Variants in GAS7 observed in about 807,000 individuals in gnomAD.
The protein encoded by GAS7 is growth arrest-specific protein 7.
GAS7 carries 28 observed loss-of-function variants against 71.1 expected under a neutral mutation model. The observed-to-expected ratio is 0.39, with a 90% CI of 0.29 to 0.54. GAS7 has a LOEUF of 0.54. Among genes scored for constraint, GAS7 ranks in the 20% least tolerant of loss-of-function variants. The pLI is 0.62. For missense variants in GAS7, 436 were observed against 627.8 expected (o/e 0.69, Z 3.27); for synonymous variants, 258 against 245.8 (o/e 1.05, Z -0.46).
At chr17:10,023,569 A>T (rs527415394) in intron 1 of GAS7, among the ~76,000 whole-genome samples, 1 of 152,360 alleles carries the variant, frequency 6.6e-6, no homozygotes, top group African/African-American at 2.4e-5. Context: ...CATTATGCTA[A>T]GTGAAAGGAG....
intron 1 of GAS7, among the ~76,000 whole-genome samples, chr17:10,030,855 A>G (rs1256961163): frequency 6.6e-6 from 1 of 152,120 alleles, no homozygotes; most frequent in African/African-American, 2.4e-5. Flanking sequence ...CTCACATCAG[A>G]CGCCCACCCC....
In GAS7 at chr17:10,189,104, T is replaced by G. The variant is rs528471335; in HGVS notation, c.183+9104A>C. On this transcript the variant is annotated intron_variant, in intron 1 of 13. Transcript: ENST00000432992. ...TATTTGCCTTTTACCTCCTTTTTTT[T>G]GGGAAGAGATTTCTAGTGGCAGAAT... Among the ~76,000 whole-genome samples, 20 of 152,288 alleles carry G rather than the reference T, an allele frequency of 1.3e-4. No individual in the cohort carries two copies. In the South Asian group the frequency reaches 2.9e-3, roughly 22 times the overall value.
intron 2 of GAS7, among the ~76,000 whole-genome samples, chr17:10,009,980 G>C (rs754331223): frequency 3.9e-5 from 6 of 151,954 alleles, no homozygotes; most frequent in Non-Finnish European, 8.8e-5. Context: ...TTAAGTCACT[G>C]CCACCCATGC....
At chr17:10,061,778 G>A (rs891314228) in intron 1 of GAS7, among the ~76,000 whole-genome samples, 1 of 152,056 alleles carries the variant, frequency 6.6e-6, no homozygotes, top group African/African-American at 2.4e-5. Flanking sequence ...TGTGCTGGGC[G>A]TTCCCACTCC....
chr17:10,153,429 T>C (rs1196818667), intron 1 of GAS7, among the ~76,000 whole-genome samples: 1 of 150,902 alleles, frequency 6.6e-6, no homozygotes, highest in African/African-American at 2.4e-5. Flanking sequence ...GGCAGGAGAA[T>C]TGCTTGTACC....
chr17:9,917,889 G>A lies in GAS7; in HGVS notation c.1317+112C>T, dbSNP rs572643880. On this transcript the variant is annotated intron_variant, in intron 13 of 13. Coordinates refer to ENST00000432992, the MANE Select transcript of GAS7 (RefSeq NM_201433.2). ...AGGCCAGAGCACCTGCCCACTGCCC[G>A]CCTTTAGGGCAGATTCACTTGCAGC... 505 of 723,468 alleles carry A rather than the reference G, an allele frequency of 7.0e-4. No homozygotes were observed. The highest frequency in any genetic ancestry group is 1.1e-3 in the Non-Finnish European group (471 of 435,012). The allele number at this position is 723,468 out of a possible 1,614,324, so 44.8% of individuals were successfully genotyped here.
chr17:10,178,932 C>T (rs7503418), intron 1 of GAS7, among the ~76,000 whole-genome samples: 24,025 of 151,612 alleles, frequency 0.16, 2,016 homozygotes, highest in East Asian at 0.34. Context: ...TCCGATTATA[C>T]GGCCAGGACA....
At chr17:10,157,830 A>C (rs1201264599) in intron 1 of GAS7, among the ~76,000 whole-genome samples, 1 of 152,172 alleles carries the variant, frequency 6.6e-6, no homozygotes, top group Non-Finnish European at 1.5e-5. Context: ...TGTGAAACCC[A>C]GATGGCCAGT....
intron 1 of GAS7, among the ~76,000 whole-genome samples, chr17:10,194,326 C>T (rs1040677538): frequency 3.3e-5 from 5 of 152,196 alleles, no homozygotes; most frequent in African/African-American, 1.2e-4. Flanking sequence ...CAACATTCCC[C>T]AGGTCCCTAA....
At chr17:9,947,618 C>T (rs1316520538) in intron 5 of GAS7, among the ~76,000 whole-genome samples, 1 of 151,972 alleles carries the variant, frequency 6.6e-6, no homozygotes, top group Admixed American at 6.6e-5. Flanking sequence ...GTGGCGCATG[C>T]GTGTAATCCC....
intron 1 of GAS7, chr17:10,059,877 CA>C (rs1334349889): frequency 2.3e-6 from 2 of 868,906 alleles, no homozygotes. Context: ...GGCAACCAAA[CA>C]AATGATATTC....
intron 1 of GAS7, among the ~76,000 whole-genome samples, chr17:10,028,883 A>G (rs2072538937): frequency 6.6e-6 from 1 of 152,218 alleles, no homozygotes; most frequent in South Asian, 2.1e-4. Flanking sequence ...AATGGGAAAA[A>G]TGCAAACGTG....
intron 2 of GAS7, among the ~76,000 whole-genome samples, chr17:10,005,492 A>T (rs976028426): frequency 2.2e-5 from 3 of 139,510 alleles, no homozygotes; most frequent in African/African-American, 9.7e-5. Context: ...CATGAAGCCC[A>T]GTTGAGTATT....
rs2069402484 is a variant in GAS7 at position 9,959,694 on chromosome 17, G to C, written c.472-439C>G. Among the ~76,000 whole-genome samples the C allele has an allele frequency of 6.6e-6, 1 of 152,040 alleles. No homozygotes were observed. Among genetic ancestry groups the C allele is most frequent in the Non-Finnish European group, 1.5e-5 (1 of 68,016 alleles). ...CGACATTTTATTCTGAAACCCCCCG[G>C]GTCCAAAACGTCAAACCTAAATACA... On this transcript the variant is annotated intron_variant, in intron 4 of 13. Transcript: ENST00000432992. The surrounding 1 kb of genome is among the most constrained non-coding windows in gnomAD (Gnocchi z 5.0).
rs1197277569 is a variant in GAS7 at position 10,103,911 on chromosome 17, T to A, written c.184-84014A>T. ...CAACCCACAGCCCAAATTCATCCTA[T>A]CCTACCCACATCAGAGCCCACGCTC... On this transcript the variant is annotated intron_variant, in intron 1 of 13. Coordinates refer to ENST00000432992, the MANE Select transcript of GAS7 (RefSeq NM_201433.2). This position sits in a 1 kb window ranked among gnomAD's most constrained non-coding sequence, Gnocchi z 5.5. 6.6e-6 allele frequency among the ~76,000 whole-genome samples: 1 copy of A among 150,672 alleles called. No homozygotes were observed. The highest frequency in any genetic ancestry group is 1.5e-5 in the Non-Finnish European group (1 of 67,820).
chr17:10,131,187 G>T (rs1024259732), intron 1 of GAS7, among the ~76,000 whole-genome samples: 1 of 152,164 alleles, frequency 6.6e-6, no homozygotes, highest in African/African-American at 2.4e-5. Flanking sequence ...TCTAGACCTC[G>T]AAGAGCAGCG....
intron 1 of GAS7, among the ~76,000 whole-genome samples, chr17:10,057,001 G>A (rs1297698788): frequency 6.6e-6 from 1 of 151,932 alleles, no homozygotes. Context: ...TCGCTGTGTT[G>A]GCCAGGCTGG....
chr17:10,161,295 T>G (rs1163904875), intron 1 of GAS7, among the ~76,000 whole-genome samples: 2 of 152,172 alleles, frequency 1.3e-5, no homozygotes, highest in East Asian at 3.8e-4. Context: ...TTGGGTGACA[T>G]GTCCATTTCT....
chr17:10,070,547 A>T (rs1202511420), intron 1 of GAS7, among the ~76,000 whole-genome samples: 1 of 151,610 alleles, frequency 6.6e-6, no homozygotes, highest in Non-Finnish European at 1.5e-5. Flanking sequence ...TATTTTTAGT[A>T]GAGACGGGGT....
Sources: allele counts gnomAD v4.1 joint callset (sites outside exome capture counted in the v4.1 genomes callset), GRCh38; gene constraint gnomAD v4.1.1; non-coding constraint Gnocchi (gnomAD v3.1); transcripts MANE v1.5; gene names NCBI Gene and HGNC (gene_info 2026-07-23, HGNC 2026-07-21).